SNTG1: variants seen among roughly 807,000 people sequenced by gnomAD.
SNTG1 encodes syntrophin gamma 1, also known as gamma-1-syntrophin.
Under a neutral mutation model 74.7 loss-of-function variants are expected in SNTG1, and 39 were observed. That is an observed-to-expected ratio of 0.52 (90% CI 0.40 to 0.68). The LOEUF (loss-of-function observed/expected upper bound fraction) is 0.68. Among genes scored for constraint, SNTG1 ranks in the 30% least tolerant of loss-of-function variants. The pLI is 0.00. For synonymous variants in SNTG1, 254 were observed against 217.1 expected, an observed-to-expected ratio of 1.17 and a Z score of -1.49; for missense variants, 685 against 609.5, an observed-to-expected ratio of 1.12 and a Z score of -1.30.
intron 2 of SNTG1, among the ~76,000 whole-genome samples, chr8:50,265,615 T>C (rs6999627): frequency 0.33 from 49,572 of 151,910 alleles, 8,583 homozygotes; most frequent in African/African-American, 0.45. Context: ...CAGGAAGTTC[T>C]AGTAAGGCAA....
chr8:50,773,869 C>T (rs2095633421), intron 18 of SNTG1, among the ~76,000 whole-genome samples: 1 of 151,908 alleles, frequency 6.6e-6, no homozygotes, highest in African/African-American at 2.4e-5. Context: ...AAGAATTAAC[C>T]TGTTTGACCA....
chr8:50,467,626 T>G (rs2093619606), intron 8 of SNTG1, among the ~76,000 whole-genome samples: 1 of 151,974 alleles, frequency 6.6e-6, no homozygotes, highest in Non-Finnish European at 1.5e-5. Flanking sequence ...TTTTTTGTGT[T>G]TGCTTTCCAT....
chr8:50,403,387 A>G (rs1175823656), intron 4 of SNTG1, among the ~76,000 whole-genome samples: 1 of 152,220 alleles, frequency 6.6e-6, no homozygotes, highest in Non-Finnish European at 1.5e-5. Flanking sequence ...CTTTTGTCAC[A>G]GACCATTTAA....
At chr8:50,738,323 A>C (rs990991903) in intron 17 of SNTG1, among the ~76,000 whole-genome samples, 7 of 152,142 alleles carry the variant, frequency 4.6e-5, no homozygotes, top group Non-Finnish European at 8.8e-5. Context: ...CTACAAACAG[A>C]ATAAAATACC....
chr8:50,541,098 T>C (rs941226487), intron 11 of SNTG1, among the ~76,000 whole-genome samples: 2 of 152,124 alleles, frequency 1.3e-5, no homozygotes, highest in Non-Finnish European at 2.9e-5. Flanking sequence ...CCTTTTATTT[T>C]GAAAAAATTG....
intron 1 of SNTG1, among the ~76,000 whole-genome samples, chr8:50,008,660 C>G (rs1255412634): frequency 6.6e-6 from 1 of 152,070 alleles, no homozygotes; most frequent in African/African-American, 2.4e-5. Context: ...TTCCATCAAC[C>G]TGATAGTGGA....
chr8:50,159,267 G>T (rs2082343561), intron 1 of SNTG1, among the ~76,000 whole-genome samples: 1 of 151,818 alleles, frequency 6.6e-6, no homozygotes, highest in South Asian at 2.1e-4. Flanking sequence ...AACTCTTTAG[G>T]TATGCTATAA....
At chr8:49,913,484 C>A (rs1010716070) in intron 1 of SNTG1, among the ~76,000 whole-genome samples, 1 of 152,082 alleles carries the variant, frequency 6.6e-6, no homozygotes, top group Non-Finnish European at 1.5e-5. Context: ...CTGAGTGTAG[C>A]AATTACTCTG....
At chr8:50,475,206 ACCC>A (rs2093687291) in intron 8 of SNTG1, among the ~76,000 whole-genome samples, 3 of 151,316 alleles carry the variant, frequency 2.0e-5, no homozygotes, top group African/African-American at 7.3e-5. Flanking sequence ...GTGCATATGT[ACCC>A]TAAAACTTAA....
At chr8:50,656,692 A>G (rs1019506343) in intron 13 of SNTG1, among the ~76,000 whole-genome samples, 1 of 152,186 alleles carries the variant, frequency 6.6e-6, no homozygotes, top group Non-Finnish European at 1.5e-5. Context: ...GTAGAAACGT[A>G]TAAGAAATTC....
chr8:50,624,069 G>A (rs1488920518), intron 13 of SNTG1, among the ~76,000 whole-genome samples: 4 of 151,872 alleles, frequency 2.6e-5, no homozygotes, highest in South Asian at 2.1e-4. Flanking sequence ...GTGTTTGGTG[G>A]TATGGATTTC....
intron 1 of SNTG1, among the ~76,000 whole-genome samples, chr8:50,168,135 A>G (rs1316845370): frequency 6.6e-6 from 1 of 152,122 alleles, no homozygotes; most frequent in African/African-American, 2.4e-5. Flanking sequence ...AATCATTAAT[A>G]ATCTTTTTCT....
chr8:50,476,623 A>G (rs951149214), intron 8 of SNTG1, among the ~76,000 whole-genome samples: 31 of 152,184 alleles, frequency 2.0e-4, no homozygotes, highest in African/African-American at 7.0e-4. Context: ...TAAATTAGAT[A>G]TAAGTCATTG....
intron 15 of SNTG1, among the ~76,000 whole-genome samples, chr8:50,702,877 T>C (rs1266256968): frequency 6.6e-6 from 1 of 151,570 alleles, no homozygotes; most frequent in Non-Finnish European, 1.5e-5. Flanking sequence ...TGGTAAGTAG[T>C]TGTTTAAACA....
chr8:50,276,310 T>C (rs994342371), intron 2 of SNTG1, among the ~76,000 whole-genome samples: 4 of 151,642 alleles, frequency 2.6e-5, no homozygotes, highest in Non-Finnish European at 4.4e-5. Context: ...TGCTGTGACT[T>C]ATTCTAAATT....
intron 2 of SNTG1, among the ~76,000 whole-genome samples, chr8:50,277,138 A>G (rs896820327): frequency 6.6e-6 from 1 of 151,832 alleles, no homozygotes; most frequent in South Asian, 2.1e-4. Context: ...AAAGTGGTGC[A>G]TTTTTGTAGT....
chr8:50,073,861 G>T (rs1049354696), intron 1 of SNTG1, among the ~76,000 whole-genome samples: 2 of 150,468 alleles, frequency 1.3e-5, no homozygotes, highest in African/African-American at 4.9e-5. Context: ...CTTAACAGTG[G>T]GCTTAAAATA....
At chr8:50,119,932 A>G (rs2080941601) in intron 1 of SNTG1, among the ~76,000 whole-genome samples, 1 of 142,406 alleles carries the variant, frequency 7.0e-6, no homozygotes, top group Admixed American at 7.2e-5. Flanking sequence ...TGCTAAGATT[A>G]TAAAAATATC....
intron 15 of SNTG1, among the ~76,000 whole-genome samples, chr8:50,700,621 C>G (rs1443002794): frequency 6.6e-6 from 1 of 152,136 alleles, no homozygotes; most frequent in African/African-American, 2.4e-5. Flanking sequence ...CACCAGGTTG[C>G]TCTTGCATTT....
Sources: allele counts gnomAD v4.1 joint callset (sites outside exome capture counted in the v4.1 genomes callset), GRCh38; gene constraint gnomAD v4.1.1; transcripts MANE v1.5; gene names NCBI Gene and HGNC (gene_info 2026-07-23, HGNC 2026-07-21).